The following DNAH14 variants were observed in gnomAD, a reference collection of about 807,000 sequenced individuals.
DNAH14 encodes the protein axonemal beta dynein heavy chain 14.
DNAH14 carries 478 observed loss-of-function variants against 520.9 expected under a neutral mutation model. The observed-to-expected ratio is 0.92, with a 90% CI of 0.85 to 0.99. The LOEUF (loss-of-function observed/expected upper bound fraction) is 0.99, where lower values mean the gene tolerates loss of function less well. Ranked by LOEUF, DNAH14 falls within the 50% of genes least tolerant of loss-of-function variation. DNAH14 has a pLI of 0.00. For missense variants in DNAH14, 4,831 were observed against 5,234.5 expected, an observed-to-expected ratio of 0.92 and a Z score of 2.38; for synonymous variants, 1,581 against 1,757.2, an observed-to-expected ratio of 0.90 and a Z score of 2.51.
At chr1:225,019,208 G>A (rs1211820367) in intron 10 of DNAH14, among the ~76,000 whole-genome samples, 1 of 150,414 alleles carries the variant, frequency 6.6e-6, no homozygotes, top group Non-Finnish European at 1.5e-5. Context: ...TAGACTCAAA[G>A]TAAAGGGTTA....
chr1:225,139,232 A>G (rs561914253), intron 27 of DNAH14, among the ~76,000 whole-genome samples: 23 of 152,322 alleles, frequency 1.5e-4, no homozygotes, highest in African/African-American at 5.5e-4. Context: ...ATAATGAATC[A>G]ATCTGCACAC....
In DNAH14 at chr1:225,085,700, C is replaced by G. The variant is rs983847731; in HGVS notation, c.3484C>G (p.Pro1162Ala). ...HTEIYSIFII[P>A]SIDDISAQLE... is the part of the protein sequence containing the mutation. ...AGAGATTTACTCTATCTTCATAATT[C>G]CATCTATAGATGACATATCAGCTCA... The change falls in exon 21 of 86, where the codon CCA becomes GCA. Residue 1162 changes from proline to alanine, a missense_variant. Coordinates refer to ENST00000682510, the MANE Select transcript of DNAH14 (RefSeq NM_001367479.1). The G allele has an allele frequency of 1.9e-6, 3 of 1,551,224 alleles. No homozygotes were observed. Among genetic ancestry groups the G allele is most frequent in the African/African-American group, 2.7e-5 (2 of 73,028 alleles).
chr1:225,212,198 T>C (rs2088549596), intron 41 of DNAH14, among the ~76,000 whole-genome samples: 1 of 151,854 alleles, frequency 6.6e-6, no homozygotes, highest in African/African-American at 2.4e-5. Context: ...GAATGATGGT[T>C]TCCAGCTTCA....
intron 60 of DNAH14, among the ~76,000 whole-genome samples, chr1:225,313,499 C>G (rs1335636689): frequency 6.6e-6 from 1 of 152,074 alleles, no homozygotes; most frequent in Non-Finnish European, 1.5e-5. Context: ...AATTTGTTTG[C>G]TCTTGCTTCT....
intron 17 of DNAH14, among the ~76,000 whole-genome samples, chr1:225,059,495 G>A (rs2148395139): frequency 6.6e-6 from 1 of 152,308 alleles, no homozygotes; most frequent in African/African-American, 2.4e-5. Context: ...GCCAGTGTGT[G>A]TCTTTTAATT....
chr1:225,180,135 G>T lies in DNAH14; in HGVS notation c.5536-5156G>T, dbSNP rs74692198. ...GGTGATCTTTGACCTTTCTGTACCTGGATATGTATATCATTCTCTACATTT... is the reference window on the plus strand; with the variant it reads ...GGTGATCTTTGACCTTTCTGTACCTTGATATGTATATCATTCTCTACATTT... On this transcript the variant is annotated intron_variant, in intron 36 of 85. Coordinates refer to ENST00000682510, the MANE Select transcript of DNAH14 (RefSeq NM_001367479.1). Among the ~76,000 whole-genome samples the T allele has an allele frequency of 2.7e-4, 41 of 152,128 alleles. No homozygotes were observed. The East Asian group carries it at 6.4e-3, about 24-fold the overall frequency.
intron 15 of DNAH14, among the ~76,000 whole-genome samples, chr1:225,046,511 T>C (rs2067976495): frequency 6.6e-6 from 1 of 152,184 alleles, no homozygotes; most frequent in East Asian, 1.9e-4. Context: ...TTAATTTTTC[T>C]CAGATGACTA....
chr1:225,066,028 T>C (rs962193070), intron 17 of DNAH14, among the ~76,000 whole-genome samples: 9 of 152,064 alleles, frequency 5.9e-5, no homozygotes, highest in Non-Finnish European at 1.3e-4. Context: ...ACATGTACTT[T>C]CATCATTTTG....
intron 1 of DNAH14, among the ~76,000 whole-genome samples, chr1:224,935,916 A>T (rs923250252): frequency 2.0e-5 from 3 of 151,886 alleles, no homozygotes; most frequent in Non-Finnish European, 4.4e-5. Flanking sequence ...TGGAAACCAT[A>T]AAAATACATG....
chr1:225,199,567 A>G (rs547463138), intron 38 of DNAH14, among the ~76,000 whole-genome samples: 1 of 152,218 alleles, frequency 6.6e-6, no homozygotes, highest in South Asian at 2.1e-4. Context: ...AGAATTTTTA[A>G]ATTTCCATCT....
intron 27 of DNAH14, among the ~76,000 whole-genome samples, chr1:225,134,968 A>G (rs938305164): frequency 1.3e-5 from 2 of 152,110 alleles, no homozygotes; most frequent in African/African-American, 4.8e-5. Flanking sequence ...GTATTTGTCC[A>G]GGAAATTGTC....
chr1:225,098,397 C>T (rs902909529), intron 22 of DNAH14, among the ~76,000 whole-genome samples: 1 of 152,238 alleles, frequency 6.6e-6, no homozygotes, highest in Middle Eastern at 3.4e-3. Flanking sequence ...AAACTATTGA[C>T]AGCAAATCAT....
At chr1:225,283,375 A>G (rs932284064) in intron 54 of DNAH14, among the ~76,000 whole-genome samples, 2 of 151,880 alleles carry the variant, frequency 1.3e-5, no homozygotes, top group Non-Finnish European at 2.9e-5. Context: ...AGAAAGTTGG[A>G]GTGGGTATAC....
At chr1:225,394,062 C>T (rs1016458822) in intron 84 of DNAH14, among the ~76,000 whole-genome samples, 2 of 151,976 alleles carry the variant, frequency 1.3e-5, no homozygotes, top group African/African-American at 4.8e-5. Context: ...CCTCGTGATC[C>T]CCCTGCTCCG....
intron 11 of DNAH14, among the ~76,000 whole-genome samples, chr1:225,029,648 G>T (rs2066389523): frequency 6.6e-6 from 1 of 151,816 alleles, no homozygotes. Context: ...AGAAGTTTGG[G>T]GTATTGTGAG....
chr1:225,277,294 G>C (rs561134777), intron 53 of DNAH14, 116 bp from the exon 54 acceptor site: 139 of 369,464 alleles, frequency 3.8e-4, no homozygotes, highest in Non-Finnish European at 6.6e-4. Flanking sequence ...ACTAGATCTA[G>C]AGCTCTGGAT....
chr1:225,117,577 T>A (rs1046856108), intron 23 of DNAH14, 107 bp from the exon 24 acceptor site: 1 of 664,596 alleles, frequency 1.5e-6, no homozygotes, highest in African/African-American at 1.8e-5. Flanking sequence ...ATATATACCA[T>A]AACTAATATT....
Position 225,152,073 on chromosome 1 carries a change from G to C in DNAH14, c.5009G>C (p.Arg1670Thr), listed in dbSNP as rs1304099178. Residue 1670 changes from arginine (R) to threonine (T), a missense_variant and splice_region_variant, in exon 32 of 86, where the codon AGA (arginine) becomes ACA (threonine). Coordinates refer to ENST00000682510, the MANE Select transcript of DNAH14 (RefSeq NM_001367479.1). ...SCAVFITMNP[R>T]YGGGVELPDN... ...GCGGTATTTATCACCATGAATCCCA[G>C]GTAAGTATCAGTAAATCTAGTGGGA... is the stretch of plus-strand genomic sequence containing the variant. The C allele has an allele frequency of 6.5e-7, 1 of 1,548,224 alleles. No homozygotes were observed. The highest frequency in any genetic ancestry group is 8.7e-7 in the Non-Finnish European group (1 of 1,145,658).
intron 27 of DNAH14, among the ~76,000 whole-genome samples, chr1:225,133,872 C>T (rs551089209): frequency 6.6e-6 from 1 of 152,182 alleles, no homozygotes; most frequent in Non-Finnish European, 1.5e-5. Context: ...GAATGTTTCT[C>T]CATTTGTTTG....
Sources: gnomAD v4.1 joint callset for allele counts (sites outside exome capture counted in the v4.1 genomes callset) on GRCh38, gnomAD v4.1.1 for gene constraint, MANE v1.5 for transcripts, NCBI Gene and HGNC (gene_info 2026-07-23, HGNC 2026-07-21) for gene names.